ASAP2: variants seen among roughly 807,000 people sequenced by gnomAD.
ASAP2 encodes arf-GAP with SH3 domain, ANK repeat and PH domain-containing protein 2.
Under a neutral mutation model 131.4 loss-of-function variants are expected in ASAP2, and 45 were observed. The ratio of observed to expected loss-of-function variants is 0.34; its 90% CI spans 0.27 to 0.44. The LOEUF (loss-of-function observed/expected upper bound fraction) is 0.44. ASAP2 is among the 20% of genes least tolerant of loss of function. ASAP2 has a pLI of 1.00. For synonymous variants in ASAP2, 510 were observed against 503.0 expected (o/e 1.01, Z -0.19); for missense variants, 1,011 against 1,297.0 (o/e 0.78, Z 3.39).
intron 1 of ASAP2, among the ~76,000 whole-genome samples, chr2:9,212,884 T>C (rs1233539881): frequency 6.6e-6 from 1 of 152,154 alleles, no homozygotes; most frequent in African/African-American, 2.4e-5. Flanking sequence ...CGTGAGAGCT[T>C]GCGAAGCACT....
rs1222462659 is a variant in ASAP2, at chr2:9,389,922, C to T, written c.2384-1140C>T. ...GGGTGCGGCTTTCTCCCCGCCTCTCCCAGATCCTGCAGGCAGGCATCAATT... is the reference window on the plus strand; with the variant it reads ...GGGTGCGGCTTTCTCCCCGCCTCTCTCAGATCCTGCAGGCAGGCATCAATT... On this transcript the variant is annotated intron_variant, in intron 22 of 27. Transcript: ENST00000281419. This position sits in a 1 kb window ranked among gnomAD's most constrained non-coding sequence, Gnocchi z 4.7. Among the ~76,000 whole-genome samples, 1 of 152,196 alleles carries T rather than the reference C, an allele frequency of 6.6e-6. No homozygotes were observed. Among genetic ancestry groups the T allele is most frequent in the Admixed American group, 6.5e-5 (1 of 15,280 alleles).
intron 2 of ASAP2, among the ~76,000 whole-genome samples, chr2:9,290,242 G>A (rs10164744): frequency 6.6e-6 from 1 of 151,940 alleles, no homozygotes; most frequent in East Asian, 1.9e-4. Context: ...GAGTCTCGCT[G>A]TGTCACCCAG....
chr2:9,401,527 C>T (rs1031423133), intron 27 of ASAP2, 131 bp downstream of exon 27: 17 of 1,219,498 alleles, frequency 1.4e-5, no homozygotes, highest in Non-Finnish European at 1.8e-5. Flanking sequence ...GGTGCCTCCG[C>T]CCCTTAGCAT....
At chr2:9,334,862 G>C in intron 8 of ASAP2, 49 bp downstream of exon 8, 1 of 1,553,516 alleles carries the variant, frequency 6.4e-7, no homozygotes. Flanking sequence ...TAATGCAACA[G>C]ACATTTTCAT....
chr2:9,351,455 C>G lies in ASAP2; in HGVS notation c.1111+560C>G, dbSNP rs184204094. 6.0e-4 allele frequency among the ~76,000 whole-genome samples: 92 copies of G among 152,142 alleles called. 1 individual carries two copies. In the East Asian group the frequency reaches 0.015, roughly 26 times the overall value. On this transcript the variant is annotated intron_variant, in intron 12 of 27. Transcript: ENST00000281419. ...TTGTGGTGAATGTTTACTCAGCACCCCCTAAATTAAAGGGCCCATGATGTC... is the reference window on the plus strand; with the variant it reads ...TTGTGGTGAATGTTTACTCAGCACCGCCTAAATTAAAGGGCCCATGATGTC...
At position 9,254,258 on chromosome 2, in the gene ASAP2, CGT is replaced by C. The variant is rs1553297087; in HGVS notation, c.127-25050_127-25049del. ...AAAAATATATATATATATATATACA[CGT>C]GTGTGTGTATGCATATATATAGTAT... is the stretch of plus-strand genomic sequence containing the variant. On this transcript the variant is annotated intron_variant, in intron 1 of 27. Coordinates refer to ENST00000281419, the MANE Select transcript of ASAP2 (RefSeq NM_003887.3). Among the ~76,000 whole-genome samples, 252 of 91,228 alleles carry C rather than the reference CGT, an allele frequency of 2.8e-3. 12 individuals are homozygous for C. Among genetic ancestry groups the C allele is most frequent in the African/African-American group, 0.013 (244 of 19,456 alleles). The allele number at this position is 91,228 out of a possible 152,430, so 59.8% of individuals were successfully genotyped here.
chr2:9,317,478 CACTT>C lies in ASAP2; in HGVS notation c.346-1043_346-1040del, dbSNP rs1405531208. 4.0e-5 allele frequency among the ~76,000 whole-genome samples: 6 copies of C among 149,800 alleles called. No individual in the cohort carries two copies. The South Asian group carries it at 8.5e-4, about 21-fold the overall frequency. On this transcript the variant is annotated intron_variant, in intron 3 of 27. Coordinates refer to ENST00000281419, the MANE Select transcript of ASAP2 (RefSeq NM_003887.3). ...CATGTGCATTCACCTTATACTCAGT[CACTT>C]ACACCCTTACACACCCACTTACACC...
At chr2:9,349,001 T>C (rs1475985944) in intron 11 of ASAP2, among the ~76,000 whole-genome samples, 2 of 152,304 alleles carry the variant, frequency 1.3e-5, no homozygotes, top group Middle Eastern at 6.8e-3. Flanking sequence ...GCTCCCTAGC[T>C]GTATAACCTC....
chr2:9,386,956 G>A (rs1333988971), intron 21 of ASAP2, among the ~76,000 whole-genome samples: 1 of 152,168 alleles, frequency 6.6e-6, no homozygotes, highest in Non-Finnish European at 1.5e-5. Flanking sequence ...TGTAATCCCA[G>A]CACTTTGGGA....
At chr2:9,343,721 A>C (rs558509725) in intron 9 of ASAP2, among the ~76,000 whole-genome samples, 1 of 152,228 alleles carries the variant, frequency 6.6e-6, no homozygotes, top group East Asian at 1.9e-4. Context: ...TGTTGGGATT[A>C]CAGGCATAAG....
At chr2:9,270,784 C>CCTTTTTTTTTTTTTTTTTTT (rs1666294703) in intron 1 of ASAP2, among the ~76,000 whole-genome samples, 1 of 69,740 alleles carries the variant, frequency 1.4e-5, no homozygotes, top group Non-Finnish European at 3.1e-5. Flanking sequence ...CAATTGTTTT[C>CCTTTTTTTTTTTTTTTTTTT]ATTTTTTTTT....
chr2:9,338,356 TC>T (rs147232807), intron 9 of ASAP2, among the ~76,000 whole-genome samples: 2,016 of 152,230 alleles, frequency 0.013, 36 homozygotes, highest in African/African-American at 0.046. Flanking sequence ...TATCTCTCTC[TC>T]TCTCTCTTTC....
At chr2:9,369,266 G>T (rs369575097) in intron 16 of ASAP2, among the ~76,000 whole-genome samples, 1 of 152,120 alleles carries the variant, frequency 6.6e-6, no homozygotes, top group Non-Finnish European at 1.5e-5. Context: ...TGATCCACTC[G>T]CTGCAGCCTC....
intron 18 of ASAP2, among the ~76,000 whole-genome samples, chr2:9,378,514 C>T (rs6740258): frequency 0.12 from 18,651 of 152,210 alleles, 3,428 homozygotes; most frequent in African/African-American, 0.4. Context: ...TCCGTCCTCC[C>T]GTGGGACAGG....
chr2:9,309,720 TTG>T (rs1669171583), intron 3 of ASAP2, among the ~76,000 whole-genome samples: 1 of 152,252 alleles, frequency 6.6e-6, no homozygotes, highest in African/African-American at 2.4e-5. Context: ...ACTGTTTGCG[TTG>T]ATGGGAATAG....
At chr2:9,290,377 T>A (rs1173157226) in intron 2 of ASAP2, among the ~76,000 whole-genome samples, 1 of 151,946 alleles carries the variant, frequency 6.6e-6, no homozygotes, top group African/African-American at 2.4e-5. Flanking sequence ...TCCTGGCTAA[T>A]TTTTGTATTT....
chr2:9,227,273 T>A (rs6736998), intron 1 of ASAP2, among the ~76,000 whole-genome samples: 84,371 of 151,942 alleles, frequency 0.56, 25,038 homozygotes, highest in African/African-American at 0.78. Flanking sequence ...CTCTGTGAAG[T>A]GGGGGACTTG....
At chr2:9,326,268 C>T (rs1670471290) in intron 6 of ASAP2, among the ~76,000 whole-genome samples, 1 of 152,166 alleles carries the variant, frequency 6.6e-6, no homozygotes. Context: ...AATTATTTGA[C>T]TGTTTCCCCA....
intron 12 of ASAP2, among the ~76,000 whole-genome samples, chr2:9,352,212 AACACACACACACACAC>A (rs58275721): frequency 1.7e-4 from 26 of 149,992 alleles, no homozygotes; most frequent in South Asian, 8.5e-4. Flanking sequence ...AACACACACA[AACACACACACACACAC>A]ACACACACAC....
Sources: allele counts gnomAD v4.1 joint callset (sites outside exome capture counted in the v4.1 genomes callset), GRCh38; gene constraint gnomAD v4.1.1; non-coding constraint Gnocchi (gnomAD v3.1); transcripts MANE v1.5; gene names NCBI Gene and HGNC (gene_info 2026-07-23, HGNC 2026-07-21).